FSTL5: variants seen among roughly 807,000 people sequenced by gnomAD.
FSTL5 encodes follistatin like 5, also known as follistatin-related protein 5.
A neutral mutation model predicts 89.1 loss-of-function variants in FSTL5; 62 were observed. That is an observed-to-expected ratio of 0.70 (90% confidence interval 0.57 to 0.86). FSTL5 has a LOEUF of 0.86. FSTL5 is among the 40% of genes least tolerant of loss of function. FSTL5 has a pLI of 0.00. For synonymous variants in FSTL5, 383 were observed against 346.2 expected (o/e 1.11, Z -1.18); for missense variants, 1,057 against 1,001.6 (o/e 1.06, Z -0.75).
At chr4:161,952,183 A>T (rs1389192130) in intron 3 of FSTL5, among the ~76,000 whole-genome samples, 1 of 152,090 alleles carries the variant, frequency 6.6e-6, no homozygotes, top group Admixed American at 6.6e-5. Context: ...CTGTCTCACC[A>T]GCTTTGATCA....
intron 2 of FSTL5, among the ~76,000 whole-genome samples, chr4:162,065,089 A>T (rs1162697925): frequency 6.6e-6 from 1 of 152,018 alleles, no homozygotes; most frequent in Non-Finnish European, 1.5e-5. Flanking sequence ...CTTACACTAT[A>T]TACAAAAATT....
chr4:161,868,364 C>T (rs1394419499), intron 4 of FSTL5, among the ~76,000 whole-genome samples: 1 of 152,076 alleles, frequency 6.6e-6, no homozygotes, highest in African/African-American at 2.4e-5. Context: ...TCCCTTTTAC[C>T]GTTTCAAATC....
At chr4:161,746,920 T>A (rs761928471) in intron 6 of FSTL5, among the ~76,000 whole-genome samples, 5 of 152,152 alleles carry the variant, frequency 3.3e-5, no homozygotes, top group Non-Finnish European at 7.3e-5. Context: ...GGGCCCCCCA[T>A]AGCAGAAAAG....
intron 4 of FSTL5, among the ~76,000 whole-genome samples, chr4:161,798,484 T>TA: frequency 6.6e-6 from 1 of 151,640 alleles, no homozygotes; most frequent in East Asian, 1.9e-4. Flanking sequence ...CTTTTTTTTT[T>TA]TAAAGTATTT....
At chr4:162,102,071 T>C (rs547367000) in intron 2 of FSTL5, among the ~76,000 whole-genome samples, 3 of 152,154 alleles carry the variant, frequency 2.0e-5, no homozygotes, top group Admixed American at 6.5e-5. Context: ...AAGTACTTAA[T>C]TAATGCAGAT....
At chr4:162,142,279 A>G (rs1278060359) in intron 1 of FSTL5, among the ~76,000 whole-genome samples, 1 of 152,188 alleles carries the variant, frequency 6.6e-6, no homozygotes, top group Admixed American at 6.5e-5. Context: ...TGTTTGAAGG[A>G]TGAGAAAATT....
At chr4:161,551,970 G>T (rs1732233119) in intron 8 of FSTL5, among the ~76,000 whole-genome samples, 1 of 151,962 alleles carries the variant, frequency 6.6e-6, no homozygotes, top group Admixed American at 6.6e-5. Context: ...GGCAACAAAA[G>T]ACAAAATTGA....
chr4:161,713,161 AAATG>A (rs1277305459), intron 6 of FSTL5, among the ~76,000 whole-genome samples: 30 of 152,366 alleles, frequency 2.0e-4, no homozygotes, highest in African/African-American at 7.0e-4. Flanking sequence ...TTTGTGATTT[AAATG>A]AATGTCTCCT....
chr4:161,939,053 T>C (rs533290496), intron 3 of FSTL5, among the ~76,000 whole-genome samples: 1 of 152,034 alleles, frequency 6.6e-6, no homozygotes, highest in African/African-American at 2.4e-5. Flanking sequence ...TGACATTGGG[T>C]ATAGTATATC....
intron 1 of FSTL5, among the ~76,000 whole-genome samples, chr4:162,123,183 G>GA (rs951431625): frequency 1.8e-4 from 28 of 151,374 alleles, no homozygotes; most frequent in Admixed American, 6.6e-4. Flanking sequence ...TATTGTACAA[G>GA]AAAAAAAAAT....
intron 3 of FSTL5, among the ~76,000 whole-genome samples, chr4:162,006,390 T>C (rs578174365): frequency 3.3e-5 from 5 of 152,050 alleles, no homozygotes; most frequent in African/African-American, 7.2e-5. Context: ...ATTTTGAAAA[T>C]TGAACTGGTA....
intron 7 of FSTL5, among the ~76,000 whole-genome samples, chr4:161,633,986 T>C (rs1735597232): frequency 6.6e-6 from 1 of 152,248 alleles, no homozygotes; most frequent in African/African-American, 2.4e-5. Flanking sequence ...GAGTTACCTT[T>C]CTATAGAATA....
chr4:161,686,472 C>T (rs1409769374), intron 6 of FSTL5, among the ~76,000 whole-genome samples: 5 of 147,154 alleles, frequency 3.4e-5, no homozygotes, highest in South Asian at 2.2e-4. Context: ...CATTCTCCTG[C>T]CTCAGCCTCC....
chr4:162,039,135 C>T (rs1161406298), intron 2 of FSTL5, among the ~76,000 whole-genome samples: 3 of 151,696 alleles, frequency 2.0e-5, no homozygotes, highest in Non-Finnish European at 4.4e-5. Context: ...AGTTGGTCTC[C>T]TAAAGAGTTA....
chr4:161,566,129 TATATATAC>T (rs1423467979), intron 8 of FSTL5, among the ~76,000 whole-genome samples: 21 of 77,568 alleles, frequency 2.7e-4, no homozygotes, highest in African/African-American at 8.6e-4. Context: ...TATATATATA[TATATATAC>T]ACACACACAC....
At chr4:161,889,106 CT>C (rs1232020317) in intron 4 of FSTL5, among the ~76,000 whole-genome samples, 1 of 151,920 alleles carries the variant, frequency 6.6e-6, no homozygotes, top group African/African-American at 2.4e-5. Flanking sequence ...AAAATGTATC[CT>C]TTTTTCTTCC....
At chr4:162,029,643 T>A (rs887216100) in intron 3 of FSTL5, among the ~76,000 whole-genome samples, 5 of 152,142 alleles carry the variant, frequency 3.3e-5, no homozygotes, top group Admixed American at 2.6e-4. Context: ...GTGATGTGTT[T>A]ATCATCATCG....
chr4:161,872,140 GGTTTTTTTT>G (rs1168105507), intron 4 of FSTL5, among the ~76,000 whole-genome samples: 1 of 67,494 alleles, frequency 1.5e-5, no homozygotes, highest in Non-Finnish European at 2.8e-5. Flanking sequence ...TTTTTTTTTT[GGTTTTTTTT>G]TTTTTTTTTG....
At chr4:161,803,314 A>G (rs1729856264) in intron 4 of FSTL5, among the ~76,000 whole-genome samples, 1 of 151,970 alleles carries the variant, frequency 6.6e-6, no homozygotes. Context: ...TACACAATCT[A>G]TATTGTCTTT....
Sources: allele counts gnomAD v4.1 joint callset (sites outside exome capture counted in the v4.1 genomes callset), GRCh38; gene constraint gnomAD v4.1.1; transcripts MANE v1.5; gene names NCBI Gene and HGNC (gene_info 2026-07-23, HGNC 2026-07-21).